SLCO1A2: variants seen among roughly 807,000 people sequenced by gnomAD.
SLCO1A2 encodes OATP-1.
Under a neutral mutation model 69.0 loss-of-function variants are expected in SLCO1A2, and 67 were observed. That is an observed-to-expected ratio of 0.97 (90% CI 0.80 to 1.19). SLCO1A2 has a LOEUF of 1.19. Ranked by LOEUF, SLCO1A2 falls within the 50% of genes most tolerant of loss-of-function variation. SLCO1A2 has a pLI of 0.00. For missense variants in SLCO1A2, 787 were observed against 793.7 expected (o/e 0.99, Z 0.10); for synonymous variants, 260 against 265.9 (o/e 0.98, Z 0.22).
At chr12:21,292,983 C>G (rs1481952073) in intron 11 of SLCO1A2, among the ~76,000 whole-genome samples, 3 of 152,164 alleles carry the variant, frequency 2.0e-5, no homozygotes, top group African/African-American at 7.2e-5. Flanking sequence ...TATTTAGATG[C>G]TTACAAATAA....
chr12:21,380,367 T>C (rs1001930573), intron 1 of SLCO1A2, among the ~76,000 whole-genome samples: 12 of 152,172 alleles, frequency 7.9e-5, no homozygotes, highest in Admixed American at 5.9e-4. Flanking sequence ...AGAAGAATTA[T>C]GAATAGTAAC....
upstream of SLCO1A2, chr12:21,335,040 TC>T (rs1478758555): frequency 6.4e-6 from 1 of 156,874 alleles, no homozygotes; most frequent in African/African-American, 2.4e-5. Flanking sequence ...CCAAAAGACT[TC>T]CATGAAAATA....
At chr12:21,377,287 C>A (rs1940268995) in intron 1 of SLCO1A2, among the ~76,000 whole-genome samples, 1 of 152,154 alleles carries the variant, frequency 6.6e-6, no homozygotes, top group Non-Finnish European at 1.5e-5. Context: ...AACTCTCACA[C>A]TGCAATAGAG....
At chr12:21,299,800 G>GTA (rs200018541) in intron 8 of SLCO1A2, among the ~76,000 whole-genome samples, 1,879 of 103,616 alleles carry the variant, frequency 0.018, 45 homozygotes, top group Non-Finnish European at 0.025. Flanking sequence ...ACACACACAC[G>GTA]TATATATATA....
intron 1 of SLCO1A2, among the ~76,000 whole-genome samples, chr12:21,400,450 A>G (rs1189119820): frequency 6.6e-6 from 1 of 150,582 alleles, no homozygotes; most frequent in African/African-American, 2.4e-5. Flanking sequence ...TAGTTCAACC[A>G]TTGTGGAAGT....
chr12:21,266,779 T>C lies in SLCO1A2; in HGVS notation c.*2769A>G, dbSNP rs1034532227. 1 of 152,002 alleles carries C rather than the reference T, an allele frequency of 6.6e-6. No homozygotes were observed. The highest frequency in any genetic ancestry group is 2.4e-5 in the African/African-American group (1 of 41,384). The allele number at this position is 152,002 out of a possible 1,614,324, so 9.4% of individuals were successfully genotyped here. On this transcript the variant is annotated 3_prime_UTR_variant, in exon 15 of 15. Transcript: ENST00000683939. ...GCTATCTGGCTCCACAAAGCAACATTTCATTGCTTTGCAATAAAAAATTAA... is the reference window on the plus strand; with the variant it reads ...GCTATCTGGCTCCACAAAGCAACATCTCATTGCTTTGCAATAAAAAATTAA...
At chr12:21,344,237 A>G (rs1953178321) in intron 2 of SLCO1A2, among the ~76,000 whole-genome samples, 1 of 152,108 alleles carries the variant, frequency 6.6e-6, no homozygotes, top group Admixed American at 6.6e-5. Flanking sequence ...TGACAGAATC[A>G]TAAAATTTTA....
chr12:21,275,657 T>C (rs956462241), intron 12 of SLCO1A2, among the ~76,000 whole-genome samples: 2 of 152,102 alleles, frequency 1.3e-5, no homozygotes, highest in African/African-American at 4.8e-5. Context: ...ACCTATTTTA[T>C]TGGTCAGGCG....
At position 21,314,625 on chromosome 12, in the gene SLCO1A2, T is replaced by G; in HGVS notation, c.259A>C (p.Ile87Leu). The G allele has an allele frequency of 4.3e-6, 7 of 1,613,384 alleles. No individual in the cohort carries two copies. Among genetic ancestry groups the G allele is most frequent in the Non-Finnish European group, 5.9e-6 (7 of 1,179,258 alleles). The change falls in exon 4 of 15, where the codon ATA becomes CTA. Residue 87 changes from isoleucine (I) to leucine (L), a missense_variant. By Grantham distance (5) the Ile-to-Leu change is conservative (BLOSUM62 2). Coordinates refer to ENST00000683939, the MANE Select transcript of SLCO1A2 (RefSeq NM_001386879.1). Reference protein sequence around the residue: ...SYFGTKLHRPIMIGIGCVVMG... With the variant: ...SYFGTKLHRPLMIGIGCVVMG... Reference sequence around the variant, plus strand: ...ACCACACATCCAATGCCAATCATTATAGGTCTATGCAGTTTGGTTCCAAAA... The same window carrying G: ...ACCACACATCCAATGCCAATCATTAGAGGTCTATGCAGTTTGGTTCCAAAA...
chr12:21,374,180 C>T lies in SLCO1A2; in HGVS notation c.-63+219G>A, dbSNP rs140320038. On this transcript the variant is annotated intron_variant, in intron 2 of 15. Coordinates refer to the SLCO1A2 transcript ENST00000307378. ...ATGTCATTTAAATGGTAATTAAGGACATCTAACAACTATGTCACGTAAAAC... is the reference window on the plus strand; with the variant it reads ...ATGTCATTTAAATGGTAATTAAGGATATCTAACAACTATGTCACGTAAAAC... Among the ~76,000 whole-genome samples the T allele has an allele frequency of 4.5e-4, 69 of 152,208 alleles. 1 individual carries two copies. Among genetic ancestry groups the T allele is most frequent in the African/African-American group, 1.5e-3 (62 of 41,532 alleles).
intron 3 of SLCO1A2, among the ~76,000 whole-genome samples, chr12:21,315,708 A>G (rs1020645757): frequency 6.6e-6 from 1 of 152,208 alleles, no homozygotes. Context: ...CAATAACTAT[A>G]TCAGCCACAT....
At chr12:21,400,532 T>C (rs1432408818) in intron 1 of SLCO1A2, among the ~76,000 whole-genome samples, 2 of 151,964 alleles carry the variant, frequency 1.3e-5, no homozygotes, top group African/African-American at 4.8e-5. Flanking sequence ...ACTGGGTATA[T>C]ACCCAAACGA....
chr12:21,287,367 G>T (rs1270450343), intron 12 of SLCO1A2, among the ~76,000 whole-genome samples: 1 of 118,186 alleles, frequency 8.5e-6, no homozygotes, highest in South Asian at 3.1e-4. Flanking sequence ...AACAACAGGT[G>T]CTGGAGAGGA....
chr12:21,377,778 C>T (rs1591899686), intron 1 of SLCO1A2, among the ~76,000 whole-genome samples: 1 of 152,264 alleles, frequency 6.6e-6, no homozygotes, highest in Non-Finnish European at 1.5e-5. Flanking sequence ...ATTCAATTAT[C>T]TCAAGGAACT....
At chr12:21,370,533 T>C (rs1377838164) in intron 2 of SLCO1A2, among the ~76,000 whole-genome samples, 2 of 139,096 alleles carry the variant, frequency 1.4e-5, no homozygotes, top group East Asian at 2.2e-4. Flanking sequence ...CCTGTGTCCA[T>C]GTGTTCTCAT....
At chr12:21,418,819 A>G (rs1357519328), upstream of SLCO1A2, among the ~76,000 whole-genome samples, 1 of 152,194 alleles carries the variant, frequency 6.6e-6, no homozygotes, top group Admixed American at 6.6e-5. Context: ...GTGATGGTCT[A>G]GAACAGGGGA....
chr12:21,412,576 A>T (rs1359265738), intron 1 of SLCO1A2, among the ~76,000 whole-genome samples: 2 of 152,186 alleles, frequency 1.3e-5, no homozygotes, highest in Non-Finnish European at 2.9e-5. Flanking sequence ...AGGTTTTTAA[A>T]AGACCAAATA....
intron 1 of SLCO1A2, among the ~76,000 whole-genome samples, chr12:21,413,231 C>CTTTTTTTT (rs1941937127): frequency 3.2e-5 from 3 of 94,718 alleles, no homozygotes; most frequent in African/African-American, 1.2e-4. Context: ...TTTTCTTTTT[C>CTTTTTTTT]TTTTTCTTTT....
chr12:21,339,593 C>G (rs1953000976), upstream of SLCO1A2, among the ~76,000 whole-genome samples: 1 of 151,712 alleles, frequency 6.6e-6, no homozygotes, highest in African/African-American at 2.4e-5. Context: ...ATATGGAAAA[C>G]TAGTTATAAT....
Sources: allele counts gnomAD v4.1 joint callset (sites outside exome capture counted in the v4.1 genomes callset), GRCh38; gene constraint gnomAD v4.1.1; transcripts MANE v1.5; gene names NCBI Gene and HGNC (gene_info 2026-07-23, HGNC 2026-07-21).